The following PGM5 variants were observed in gnomAD, a reference collection of about 807,000 sequenced individuals.
PGM5 encodes the protein phosphoglucomutase-like protein 5.
A neutral mutation model predicts 59.2 loss-of-function variants in PGM5; 23 were observed. The observed-to-expected ratio is 0.39, with a 90% confidence interval of 0.28 to 0.55. The LOEUF is 0.55. Ranked by LOEUF, PGM5 falls within the 20% of genes least tolerant of loss-of-function variation. The pLI is 0.66. For missense variants in PGM5, 574 were observed against 748.3 expected (o/e 0.77, Z 2.72); for synonymous variants, 214 against 286.0 (o/e 0.75, Z 2.54).
At chr9:68,390,905 A>G (rs1470878853) in intron 4 of PGM5, among the ~76,000 whole-genome samples, 1 of 151,918 alleles carries the variant, frequency 6.6e-6, no homozygotes, top group Non-Finnish European at 1.5e-5. Context: ...ATTCATTTGC[A>G]GCTTTGACTC....
At chr9:68,508,589 G>C (rs1300322763) in intron 10 of PGM5, among the ~76,000 whole-genome samples, 1 of 152,186 alleles carries the variant, frequency 6.6e-6, no homozygotes, top group Non-Finnish European at 1.5e-5. Context: ...TTAACCCAGT[G>C]ATGTTTATAT....
Position 68,387,509 on chromosome 9 carries a change from C to T in PGM5, c.618C>T (p.Thr206=), listed in dbSNP as rs1554678952. The stretch of plus-strand genomic sequence containing the variant: ...ATATCTATCTTAACCTCCTTCGGAC[C>T]ATCTTTGACTTTCATGCCATCAAGG... The part of the protein sequence containing the change: ...PVDIYLNLLR[T]IFDFHAIKGL... Residue 206 remains threonine, a synonymous_variant, in exon 4 of 11, where the codon ACC becomes ACT. Coordinates refer to ENST00000396396, the MANE Select transcript of PGM5 (RefSeq NM_021965.4). The T allele has an allele frequency of 1.2e-6, 2 of 1,612,042 alleles. No homozygotes were observed. The highest frequency in any genetic ancestry group is 1.7e-5 in the Admixed American group (1 of 59,942).
At chr9:68,508,196 A>G (rs1824688861) in intron 10 of PGM5, among the ~76,000 whole-genome samples, 1 of 152,122 alleles carries the variant, frequency 6.6e-6, no homozygotes. Context: ...CAATATATAC[A>G]AAAGAGGCCC....
In PGM5 at chr9:68,466,210, T is replaced by C. The variant is rs1350115861; in HGVS notation, c.1159+1002T>C. On this transcript the variant is annotated intron_variant, in intron 7 of 10. Coordinates refer to ENST00000396396, the MANE Select transcript of PGM5 (RefSeq NM_021965.4). ...TCTTTAAGTTCACTGATTCTTTCCT[T>C]AGCTGTGTCCAATCTGCTGATGAGC... 1.3e-5 allele frequency: 17 copies of C among 1,293,082 alleles called. No individual in the cohort carries two copies. The Middle Eastern group carries it at 1.7e-3, about 131-fold the overall frequency. The allele number at this position is 1,293,082 out of a possible 1,614,324, so 80.1% of individuals were successfully genotyped here.
Position 68,357,095 on chromosome 9 carries a change from C to T in PGM5, c.-33C>T, listed in dbSNP as rs1554675756. Reference sequence around the variant, plus strand: ...GCAGGCTGCAGATTCCCTCCGGCTCCGGGAGCCGCAGCAGGACCGGCCAGG... The same window carrying T: ...GCAGGCTGCAGATTCCCTCCGGCTCTGGGAGCCGCAGCAGGACCGGCCAGG... On this transcript the variant is annotated 5_prime_UTR_variant, in exon 1 of 11. Coordinates refer to ENST00000396396, the MANE Select transcript of PGM5 (RefSeq NM_021965.4). 2 of 1,451,486 alleles carry T rather than the reference C, an allele frequency of 1.4e-6. No homozygotes were observed. The highest frequency in any genetic ancestry group is 9.0e-7 in the Non-Finnish European group (1 of 1,108,106). The allele number at this position is 1,451,486 out of a possible 1,614,324, so 89.9% of individuals were successfully genotyped here.
At chr9:68,502,822 G>A (rs1313673212) in intron 10 of PGM5, among the ~76,000 whole-genome samples, 2 of 151,928 alleles carry the variant, frequency 1.3e-5, no homozygotes, top group Non-Finnish European at 2.9e-5. Flanking sequence ...CCCGAGTAGC[G>A]GGGATTACAG....
chr9:68,407,860 G>T (rs868961239), intron 6 of PGM5, among the ~76,000 whole-genome samples: 9 of 152,208 alleles, frequency 5.9e-5, no homozygotes, highest in African/African-American at 2.2e-4. Context: ...CCTGTGCACT[G>T]GCATGAGAGG....
At chr9:68,489,297 C>T (rs2132097422) in intron 9 of PGM5, among the ~76,000 whole-genome samples, 1 of 152,264 alleles carries the variant, frequency 6.6e-6, no homozygotes, top group Non-Finnish European at 1.5e-5. Context: ...CATATTTCCA[C>T]TATGGTGGGT....
intron 6 of PGM5, among the ~76,000 whole-genome samples, chr9:68,463,082 G>C (rs1554685531): frequency 1.3e-5 from 2 of 152,056 alleles, no homozygotes; most frequent in Non-Finnish European, 2.9e-5. Context: ...ATGCAAACTG[G>C]AAGAGGCAGC....
chr9:68,360,792 C>A (rs1282250067), intron 1 of PGM5, among the ~76,000 whole-genome samples: 2 of 152,136 alleles, frequency 1.3e-5, no homozygotes, highest in African/African-American at 4.8e-5. Context: ...ATCTTTAGTA[C>A]AGATTTCTAA....
In PGM5 at chr9:68,357,114, G is replaced by A; in HGVS notation, c.-14G>A. 6.7e-7 allele frequency: 1 copy of A among 1,503,380 alleles called. No homozygotes were observed. The highest frequency in any genetic ancestry group is 8.8e-7 in the Non-Finnish European group (1 of 1,130,442). The allele number at this position is 1,503,380 out of a possible 1,614,324, so 93.1% of individuals were successfully genotyped here. On this transcript the variant is annotated 5_prime_UTR_variant, in exon 1 of 11. Transcript: ENST00000396396. The stretch of plus-strand genomic sequence containing the variant: ...CGGCTCCGGGAGCCGCAGCAGGACC[G>A]GCCAGGAGGCGCCATGGAGGGGAGC...
chr9:68,507,859 A>G (rs569850271), intron 10 of PGM5, among the ~76,000 whole-genome samples: 4 of 152,112 alleles, frequency 2.6e-5, no homozygotes, highest in African/African-American at 9.7e-5. Flanking sequence ...TGCCGTTACT[A>G]CATATTGTTT....
intron 8 of PGM5, among the ~76,000 whole-genome samples, chr9:68,482,115 G>A (rs1554687166): frequency 6.6e-6 from 1 of 152,164 alleles, no homozygotes; most frequent in East Asian, 1.9e-4. Context: ...GGGGTGGAAG[G>A]CAGTGCTAGA....
At chr9:68,529,439 G>A (rs1381861357) in intron 10 of PGM5, 128 bp from the exon 11 acceptor site, 2 of 689,948 alleles carry the variant, frequency 2.9e-6, no homozygotes, top group Non-Finnish European at 5.1e-6. Context: ...CAAATGTCCT[G>A]CTCATGAAGA....
At chr9:68,361,932 CTCT>C (rs1554676298) in intron 1 of PGM5, among the ~76,000 whole-genome samples, 1 of 151,926 alleles carries the variant, frequency 6.6e-6, no homozygotes, top group Non-Finnish European at 1.5e-5. Flanking sequence ...TGCCTATCTC[CTCT>C]GTTATATTCC....
intron 3 of PGM5, among the ~76,000 whole-genome samples, chr9:68,385,615 C>T (rs1554678793): frequency 1.3e-5 from 2 of 152,022 alleles, no homozygotes; most frequent in African/African-American, 4.8e-5. Flanking sequence ...AATGCATAGG[C>T]ATATGTGTGC....
At chr9:68,416,801 A>G (rs1823039712) in intron 6 of PGM5, among the ~76,000 whole-genome samples, 1 of 152,238 alleles carries the variant, frequency 6.6e-6, no homozygotes, top group Non-Finnish European at 1.5e-5. Flanking sequence ...TAAGCAGGCA[A>G]CCTCAAAGAG....
chr9:68,396,215 T>C (rs1587790884), intron 6 of PGM5: 1 of 152,316 alleles, frequency 6.6e-6, no homozygotes, highest in South Asian at 2.1e-4. Flanking sequence ...ATATTAAAGA[T>C]GTTGAACCAA....
chr9:68,519,887 C>T (rs1010883115), intron 10 of PGM5, among the ~76,000 whole-genome samples: 13 of 139,760 alleles, frequency 9.3e-5, no homozygotes, highest in African/African-American at 3.3e-4. Context: ...ATAAGGAGAC[C>T]TTGTCTTTAC....
Sources: gnomAD v4.1 joint callset for allele counts (sites outside exome capture counted in the v4.1 genomes callset) on GRCh38, gnomAD v4.1.1 for gene constraint, MANE v1.5 for transcripts, NCBI Gene and HGNC (gene_info 2026-07-23, HGNC 2026-07-21) for gene names.